WASHC5: variants seen among roughly 807,000 people sequenced by gnomAD.
WASHC5 encodes WASH complex subunit 5.
WASHC5 carries 101 observed loss-of-function variants against 150.4 expected under a neutral mutation model. That is an observed-to-expected ratio of 0.67 (90% CI 0.57 to 0.79). The LOEUF is 0.79. Among genes scored for constraint, WASHC5 ranks in the 30% least tolerant of loss-of-function variants. The pLI is 0.00. For synonymous variants in WASHC5, 467 were observed against 491.2 expected, an observed-to-expected ratio of 0.95 and a Z score of 0.65; for missense variants, 1,195 against 1,396.3, an observed-to-expected ratio of 0.86 and a Z score of 2.30.
chr8:125,046,818 G>A (rs1317817621), intron 20 of WASHC5, among the ~76,000 whole-genome samples: 3 of 152,132 alleles, frequency 2.0e-5, no homozygotes, highest in African/African-American at 7.2e-5. Context: ...CTTCTAAGGA[G>A]CGCACAACCT....
chr8:125,039,945 A>G (rs1387080980), intron 23 of WASHC5, 47 bp from the exon 24 acceptor site: 2 of 1,265,502 alleles, frequency 1.6e-6, no homozygotes, highest in Non-Finnish European at 2.3e-6. Flanking sequence ...CAAGCATTTC[A>G]GAGTGACAGT....
intron 9 of WASHC5, among the ~76,000 whole-genome samples, chr8:125,072,520 T>C (rs1816929578): frequency 6.6e-6 from 1 of 152,052 alleles, no homozygotes; most frequent in Non-Finnish European, 1.5e-5. Flanking sequence ...ACTACAGGTG[T>C]GTGCCACCAT....
In WASHC5 at chr8:125,044,622, A is replaced by G. The variant is rs1586346412; in HGVS notation, c.2581T>C (p.Phe861Leu). ...CCCAAGGTGGTCTGGATTTCTGAGAAGAGGCGGCTGCTGGTCACTTCCTGA... is the reference window on the plus strand; with the variant it reads ...CCCAAGGTGGTCTGGATTTCTGAGAGGAGGCGGCTGCTGGTCACTTCCTGA... ...THQEVTSSRL[F>L]SEIQTTLGTF... Residue 861 changes from phenylalanine (F) to leucine (L), a missense_variant, in exon 21 of 29, where the codon TTC becomes CTC. Physicochemically the swap from Phe to Leu is conservative, Grantham distance 22. Around this residue, in one of 3 missense-constraint regions of WASHC5, gnomAD observed 997 missense variants for 1,168.1 expected, o/e 0.85. Transcript: ENST00000318410. The G allele has an allele frequency of 3.1e-6, 5 of 1,614,024 alleles. No homozygotes were observed. In the African/African-American group the frequency reaches 5.3e-5, roughly 17 times the overall value.
Position 125,075,088 on chromosome 8 carries a change from G to C in WASHC5, c.888C>G (p.Ile296Met). 6.2e-7 allele frequency: 1 copy of C among 1,608,022 alleles called. No homozygotes were observed. The highest frequency in any genetic ancestry group is 8.5e-7 in the Non-Finnish European group (1 of 1,174,686). ...DNWVISIYMGITVNLVDAWEP... is the reference protein window; with the variant it reads ...DNWVISIYMGMTVNLVDAWEP... Reference sequence around the variant, plus strand: ...CCCAAGCATCTACTAGATTAACTGTGATCCCCATGTAAATACTAATTACCT... The same window carrying C: ...CCCAAGCATCTACTAGATTAACTGTCATCCCCATGTAAATACTAATTACCT... The change falls in exon 8 of 29, where the codon ATC (isoleucine) becomes ATG (methionine). Residue 296 changes from isoleucine (I) to methionine (M), a missense_variant. Physicochemically the swap from Ile to Met is conservative, Grantham distance 10 (BLOSUM62 1). This residue lies in a region of WASHC5 where 997 missense variants were observed against 1,168.1 expected (regional missense o/e 0.85). Transcript: ENST00000318410.
Position 125,047,333 on chromosome 8 carries a change from T to C in WASHC5, c.2380-2A>G. On this transcript the variant is annotated splice_acceptor_variant, in intron 19 of 28. Transcript: ENST00000318410. LOFTEE classifies it high-confidence loss of function. ...GTACATGCTTTGCCAATCTTGAATC[T>C]AGAAAACAAAACCATCAATATTTAG... The C allele has an allele frequency of 6.2e-7, 1 of 1,613,612 alleles. No individual in the cohort carries two copies. The highest frequency in any genetic ancestry group is 8.5e-7 in the Non-Finnish European group (1 of 1,179,524).
chr8:125,027,115 C>A (rs1815397546), intron 28 of WASHC5, among the ~76,000 whole-genome samples: 1 of 152,058 alleles, frequency 6.6e-6, no homozygotes, highest in East Asian at 1.9e-4. Context: ...TGAATAGGTC[C>A]TTTTTCACAC....
chr8:125,059,414 G>A lies in WASHC5; in HGVS notation c.1650C>T (p.Ile550=), dbSNP rs780912744. Residue 550 remains isoleucine (I), a synonymous_variant, in exon 13 of 29, where the codon ATC becomes ATT. Coordinates refer to ENST00000318410, the MANE Select transcript of WASHC5 (RefSeq NM_014846.4). ...IKEEVLITMQ[I]VGDLSFAWQL... Reference sequence around the variant, plus strand: ...GCCAAGCGAAAGAAAGGTCCCCAACGATCTGCATTGTGATCAGAACCTCCT... The same window carrying A: ...GCCAAGCGAAAGAAAGGTCCCCAACAATCTGCATTGTGATCAGAACCTCCT... 3.5e-5 allele frequency: 56 copies of A among 1,614,030 alleles called. No homozygotes were observed. The Admixed American group carries it at 7.7e-4, about 22-fold the overall frequency.
intron 10 of WASHC5, among the ~76,000 whole-genome samples, chr8:125,065,373 G>T (rs79719068): frequency 0.026 from 3,983 of 152,020 alleles, 179 homozygotes; most frequent in African/African-American, 0.092. Context: ...CTCTAATGAG[G>T]TGGTACTCCT....
At chr8:125,051,362 T>A (rs1238606786) in intron 17 of WASHC5, among the ~76,000 whole-genome samples, 2 of 152,248 alleles carry the variant, frequency 1.3e-5, no homozygotes, top group South Asian at 4.1e-4. Context: ...TCTTTTACTT[T>A]TAATTTGTAA....
chr8:125,039,005 A>G (rs748464613), intron 24 of WASHC5, 46 bp from the exon 25 acceptor site: 2 of 1,592,208 alleles, frequency 1.3e-6, no homozygotes, highest in Non-Finnish European at 1.7e-6. Flanking sequence ...GAGTAAATGA[A>G]TTTATACAAG....
rs79810716 is a variant in WASHC5 at position 125,047,363 on chromosome 8, C to A, written c.2380-32G>T. 8,096 of 1,603,862 alleles carry A rather than the reference C, an allele frequency of 5.0e-3. 350 individuals are homozygous for A. The African/African-American group carries it at 0.096, about 19-fold the overall frequency. Reference sequence around the variant, plus strand: ...AACAAAACCATCAATATTTAGTAAACCTTTGATAAGATAACCTAGTTATCC... The same window carrying A: ...AACAAAACCATCAATATTTAGTAAAACTTTGATAAGATAACCTAGTTATCC... On this transcript the variant is annotated intron_variant, in intron 19 of 28. Coordinates refer to ENST00000318410, the MANE Select transcript of WASHC5 (RefSeq NM_014846.4).
chr8:125,044,449 TTAAG>T, intron 21 of WASHC5, 83 bp downstream of exon 21: 1 of 1,396,508 alleles, frequency 7.2e-7, no homozygotes, highest in Non-Finnish European at 1.0e-6. Context: ...GGAAGAAAGG[TTAAG>T]TGAGTTCAAA....
At chr8:125,040,401 A>T (rs1247951560) in intron 23 of WASHC5, among the ~76,000 whole-genome samples, 3 of 152,178 alleles carry the variant, frequency 2.0e-5, no homozygotes, top group Admixed American at 1.3e-4. Context: ...AATTATCTGG[A>T]TTACAAAATA....
intron 27 of WASHC5, among the ~76,000 whole-genome samples, chr8:125,031,451 GTTT>G (rs1014738628): frequency 2.0e-5 from 3 of 151,936 alleles, no homozygotes; most frequent in Non-Finnish European, 4.4e-5. Context: ...TAATTTTTGT[GTTT>G]TTTTAGTAGA....
intron 3 of WASHC5, 57 bp from the exon 4 acceptor site, chr8:125,082,524 T>C (rs557831699): frequency 9.8e-7 from 1 of 1,018,728 alleles, no homozygotes; most frequent in East Asian, 2.4e-5. Flanking sequence ...TTAACATCTT[T>C]AAAGAAGGAA....
At chr8:125,057,710 G>C (rs1233736743) in intron 14 of WASHC5, 44 bp from the exon 15 acceptor site, 1 of 1,235,860 alleles carries the variant, frequency 8.1e-7, no homozygotes, top group South Asian at 1.2e-5. Context: ...TTCAAAAAGA[G>C]TCCTAGAAAT....
intron 27 of WASHC5, among the ~76,000 whole-genome samples, chr8:125,028,921 G>A (rs977408972): frequency 1.3e-5 from 2 of 152,056 alleles, no homozygotes; most frequent in Non-Finnish European, 2.9e-5. Flanking sequence ...TTCTCTATAC[G>A]GTTTCCATGG....
intron 24 of WASHC5, among the ~76,000 whole-genome samples, chr8:125,039,253 G>C (rs1815810593): frequency 1.3e-5 from 2 of 152,192 alleles, no homozygotes; most frequent in African/African-American, 4.8e-5. Context: ...GACTTGGTGA[G>C]TGAGAAGCAC....
intron 26 of WASHC5, chr8:125,032,662 T>C (rs767399742): frequency 5.6e-5 from 26 of 461,788 alleles, no homozygotes; most frequent in Middle Eastern, 1.2e-3. Context: ...TCAATTAACA[T>C]ATATTATTGT....
Sources: allele counts gnomAD v4.1 joint callset (sites outside exome capture counted in the v4.1 genomes callset), GRCh38; gene constraint gnomAD v4.1.1; regional missense constraint gnomAD v4.1.1; transcripts MANE v1.5; gene names NCBI Gene and HGNC (gene_info 2026-07-23, HGNC 2026-07-21).